Variants in FSTL4 observed in about 807,000 individuals in gnomAD.
FSTL4 encodes the protein follistatin-related protein 4.
Under a neutral mutation model 78.2 loss-of-function variants are expected in FSTL4, and 28 were observed. That is an observed-to-expected ratio of 0.36 (90% confidence interval 0.27 to 0.49). FSTL4 has a LOEUF of 0.49. Among genes scored for constraint, FSTL4 ranks in the 20% least tolerant of loss-of-function variants. FSTL4 has a pLI of 0.98. For missense variants in FSTL4, 922 were observed against 1,084.9 expected (o/e 0.85, Z 2.11); for synonymous variants, 422 against 440.5 (o/e 0.96, Z 0.53).
the FSTL4 span, among the ~76,000 whole-genome samples, chr5:133,647,582 C>A: frequency 6.6e-5 from 10 of 152,170 alleles, no homozygotes; most frequent in Admixed American, 2.0e-4. Context: ...TAGGTTATTT[C>A]TTCATCCCTT....
intron 4 of FSTL4, among the ~76,000 whole-genome samples, chr5:133,395,891 C>T (rs1446105081): frequency 6.6e-6 from 1 of 152,168 alleles, no homozygotes; most frequent in African/African-American, 2.4e-5. Context: ...CCCGGAGGTA[C>T]ATTCTAGGAG....
chr5:133,252,126 C>G (rs1581571193), intron 6 of FSTL4: 1 of 152,246 alleles, frequency 6.6e-6, no homozygotes, highest in Admixed American at 6.5e-5. Flanking sequence ...GCACTACTTA[C>G]GTGGACTGTT....
At chr5:133,355,653 C>T (rs1049936051) in intron 4 of FSTL4, among the ~76,000 whole-genome samples, 4 of 152,140 alleles carry the variant, frequency 2.6e-5, no homozygotes, top group Admixed American at 6.5e-5. Context: ...GAAACTCTGT[C>T]TCAAAAACAA....
intron 4 of FSTL4, among the ~76,000 whole-genome samples, chr5:133,326,199 T>A (rs1754207680): frequency 6.6e-6 from 1 of 152,230 alleles, no homozygotes; most frequent in Admixed American, 6.5e-5. Context: ...TCTGCTGCCA[T>A]TTCTGGGAAA....
chr5:133,359,573 G>C (rs984033546), intron 4 of FSTL4, among the ~76,000 whole-genome samples: 1 of 152,176 alleles, frequency 6.6e-6, no homozygotes, highest in African/African-American at 2.4e-5. Context: ...GAAAGTTCTG[G>C]GGATGACAGC....
At chr5:133,751,337 A>G in the FSTL4 span, among the ~76,000 whole-genome samples, 1 of 152,250 alleles carries the variant, frequency 6.6e-6, no homozygotes, top group Non-Finnish European at 1.5e-5. Flanking sequence ...GTGCACGTTC[A>G]TCAAAGTCAA....
chr5:133,767,822 G>T, the FSTL4 span, among the ~76,000 whole-genome samples: 1 of 152,178 alleles, frequency 6.6e-6, no homozygotes, highest in Non-Finnish European at 1.5e-5. Context: ...TAAGGTGGAT[G>T]GGTCACAGGA....
intron 4 of FSTL4, among the ~76,000 whole-genome samples, chr5:133,342,874 G>A (rs1754614651): frequency 6.6e-6 from 1 of 152,126 alleles, no homozygotes; most frequent in Non-Finnish European, 1.5e-5. Flanking sequence ...AGAACCCATG[G>A]TACCCAGAGT....
intron 3 of FSTL4, among the ~76,000 whole-genome samples, chr5:133,558,505 C>T (rs9686131): frequency 0.39 from 58,611 of 151,926 alleles, 11,421 homozygotes; most frequent in African/African-American, 0.42. Flanking sequence ...ACTCTTATCC[C>T]GGAAGGCTGT....
intron 3 of FSTL4, among the ~76,000 whole-genome samples, chr5:133,566,981 T>C (rs1760039911): frequency 6.6e-6 from 1 of 152,192 alleles, no homozygotes; most frequent in Non-Finnish European, 1.5e-5. Flanking sequence ...TACTTGAAGG[T>C]AGAAGTCATA....
chr5:133,395,839 A>G (rs7737713), intron 4 of FSTL4, among the ~76,000 whole-genome samples: 40,095 of 152,106 alleles, frequency 0.26, 5,706 homozygotes, highest in Middle Eastern at 0.39. Context: ...ATCTTCAGGC[A>G]GATGAATTCT....
At chr5:133,646,319 G>A in the FSTL4 span, among the ~76,000 whole-genome samples, 1 of 152,100 alleles carries the variant, frequency 6.6e-6, no homozygotes, top group African/African-American at 2.4e-5. Flanking sequence ...TCTGAGTGAG[G>A]GAACAGACTA....
At chr5:133,388,474 C>T (rs77775104) in intron 4 of FSTL4, 89 of 152,212 alleles carry the variant, frequency 5.8e-4, no homozygotes, top group African/African-American at 2.1e-3. Context: ...TCCTACCAGA[C>T]AGTGTCTGAG....
At chr5:133,554,859 G>A (rs953388007) in intron 3 of FSTL4, among the ~76,000 whole-genome samples, 2 of 152,182 alleles carry the variant, frequency 1.3e-5, no homozygotes, top group Non-Finnish European at 2.9e-5. Flanking sequence ...GAATCAAACC[G>A]CGCTGCTAGA....
At chr5:133,794,495 C>T in the FSTL4 span, among the ~76,000 whole-genome samples, 236 of 152,330 alleles carry the variant, frequency 1.5e-3, no homozygotes, top group African/African-American at 5.3e-3. Flanking sequence ...CAGCAGACCA[C>T]ACTCAGGTGG....
chr5:133,552,461 T>C (rs1361133204), intron 3 of FSTL4, among the ~76,000 whole-genome samples: 6 of 152,214 alleles, frequency 3.9e-5, no homozygotes, highest in Admixed American at 3.9e-4. Context: ...TGAGGTCATG[T>C]GGGCCCAGGG....
the FSTL4 span, among the ~76,000 whole-genome samples, chr5:133,840,075 CT>C: frequency 6.6e-6 from 1 of 152,182 alleles, no homozygotes; most frequent in Non-Finnish European, 1.5e-5. Context: ...CAAAACCTTC[CT>C]TCTACCCTTC....
chr5:133,808,614 T>TG, the FSTL4 span, among the ~76,000 whole-genome samples: 1 of 152,202 alleles, frequency 6.6e-6, no homozygotes, highest in African/African-American at 2.4e-5. Flanking sequence ...TATGCTATCT[T>TG]GGCTTGTTTC....
chr5:133,512,462 T>C (rs1430566979), intron 3 of FSTL4, among the ~76,000 whole-genome samples: 2 of 152,244 alleles, frequency 1.3e-5, no homozygotes, highest in Admixed American at 6.5e-5. Flanking sequence ...CCAGTGAATT[T>C]TTCCAGTTTG....
Sources: allele counts gnomAD v4.1 joint callset (sites outside exome capture counted in the v4.1 genomes callset), GRCh38; gene constraint gnomAD v4.1.1; transcripts MANE v1.5; gene names NCBI Gene and HGNC (gene_info 2026-07-23, HGNC 2026-07-21).